SSH1: variants seen among roughly 807,000 people sequenced by gnomAD.
SSH1 encodes protein phosphatase Slingshot homolog 1.
SSH1 carries 43 observed loss-of-function variants against 79.7 expected under a neutral mutation model. The observed-to-expected ratio is 0.54, with a 90% confidence interval of 0.42 to 0.70. The LOEUF is 0.70. Ranked by LOEUF, SSH1 falls within the 30% of genes least tolerant of loss-of-function variation. SSH1 has a pLI of 0.00. For missense variants in SSH1, 1,206 were observed against 1,358.8 expected (o/e 0.89, Z 1.77); for synonymous variants, 599 against 538.3 (o/e 1.11, Z -1.56).
At position 108,817,076 on chromosome 12, in the gene SSH1, C is replaced by G. The variant is rs1167483369; in HGVS notation, c.363G>C (p.Glu121Asp). The G allele has an allele frequency of 6.2e-7, 1 of 1,614,114 alleles. No individual in the cohort carries two copies. Among genetic ancestry groups the G allele is most frequent in the Non-Finnish European group, 8.5e-7 (1 of 1,180,030 alleles). Residue 121 changes from glutamate (E) to aspartate (D), a missense_variant, in exon 5 of 15, where the codon GAG becomes GAC. Around this residue, in one of 5 missense-constraint regions of SSH1, gnomAD observed 115 missense variants for 173.9 expected, o/e 0.66. Coordinates refer to ENST00000326495, the MANE Select transcript of SSH1 (RefSeq NM_018984.4). ...AAAAGTCCACTCCCAGCAAGATATT[C>G]TCCTCGGTGTCCTGGCGCCCGCTGC... is the stretch of plus-strand genomic sequence containing the variant. The part of the protein sequence containing the change: ...VYSSGRQDTE[E>D]NILLGVDFSS...
chr12:108,819,404 G>A (rs1421616680), intron 3 of SSH1, among the ~76,000 whole-genome samples: 2 of 152,212 alleles, frequency 1.3e-5, no homozygotes, highest in Admixed American at 6.5e-5. Context: ...TTTCACGGAG[G>A]GGAAAGTTGT....
At position 108,780,716 on chromosome 12, in the gene SSH1, G is replaced by T. The variant is rs569511907; in HGVS notation, c.*7272C>A. ...TGTTTTTAAAACATTTTACAGAGAG[G>T]GCTGCATTATAGCTTGATAACACTA... On this transcript the variant is annotated 3_prime_UTR_variant, in exon 15 of 15. Transcript: ENST00000326495. 2 of 152,282 alleles carry T rather than the reference G, an allele frequency of 1.3e-5. No homozygotes were observed. The highest frequency in any genetic ancestry group is 1.9e-4 in the East Asian group (1 of 5,178). The allele number at this position is 152,282 out of a possible 1,614,324, so 9.4% of individuals were successfully genotyped here. A position where few individuals can be genotyped will look rare whatever the true frequency, so the allele number is the denominator to read the frequency against.
At chr12:108,820,879 C>T (rs532029885) in intron 3 of SSH1, among the ~76,000 whole-genome samples, 3 of 152,340 alleles carry the variant, frequency 2.0e-5, no homozygotes, top group African/African-American at 4.8e-5. Flanking sequence ...CTCTGCCTTC[C>T]GACCTCATCG....
intron 2 of SSH1, chr12:108,827,416 T>C (rs746768099): frequency 1.6e-5 from 22 of 1,407,262 alleles, no homozygotes; most frequent in Admixed American, 8.3e-5. Flanking sequence ...CTGCTCCCTA[T>C]GGAGATCAGG....
At chr12:108,810,753 G>A (rs995153537) in intron 6 of SSH1, among the ~76,000 whole-genome samples, 1 of 152,204 alleles carries the variant, frequency 6.6e-6, no homozygotes, top group South Asian at 2.1e-4. Context: ...GCGTGCGGAC[G>A]CTAGACGGCC....
At chr12:108,797,803 C>A (rs964366845) in intron 13 of SSH1, among the ~76,000 whole-genome samples, 1 of 152,206 alleles carries the variant, frequency 6.6e-6, no homozygotes, top group Non-Finnish European at 1.5e-5. Flanking sequence ...TTCTTCAATT[C>A]GCCCATGTGA....
chr12:108,853,440 G>T, intron 1 of SSH1: 1 of 751,390 alleles, frequency 1.3e-6, no homozygotes, highest in Non-Finnish European at 1.6e-6. Context: ...TGTTTTTTAT[G>T]TTGCACAGAG....
intron 5 of SSH1, among the ~76,000 whole-genome samples, chr12:108,813,795 T>G (rs1188222108): frequency 0.1 from 7,594 of 75,054 alleles, no homozygotes; most frequent in African/African-American, 0.11. Context: ...GAAGGGAAGG[T>G]GAAAGGGAAG....
At chr12:108,826,383 C>G in intron 2 of SSH1, 1 of 319,386 alleles carries the variant, frequency 3.1e-6, no homozygotes, top group South Asian at 2.5e-5. Flanking sequence ...TCCCCCACGA[C>G]AATCAAGTAA....
chr12:108,852,962 G>A lies in SSH1; in HGVS notation c.70-284C>T, dbSNP rs1370148577. The A allele has an allele frequency of 6.1e-6, 6 of 985,270 alleles. No individual in the cohort carries two copies. The African/African-American group carries it at 1.0e-4, about 17-fold the overall frequency. 61.0% of individuals were successfully genotyped at this position (985,270 alleles called of 1,614,324 possible). ...ATTTCCTATCTGGTGTTGTTACCCA[G>A]CACGGTCTTTTAGCCCTCAGCCCTC... On this transcript the variant is annotated intron_variant, in intron 1 of 14. Coordinates refer to ENST00000326495, the MANE Select transcript of SSH1 (RefSeq NM_018984.4).
chr12:108,800,812 C>A lies in SSH1; in HGVS notation c.1116G>T (p.Trp372Cys). 1 of 1,614,128 alleles carries A rather than the reference C, an allele frequency of 6.2e-7. No homozygotes were observed. The highest frequency in any genetic ancestry group is 8.5e-7 in the Non-Finnish European group (1 of 1,180,018). The change falls in exon 12 of 15, where the codon TGG (tryptophan) becomes TGT (cysteine). Residue 372 changes from tryptophan (W) to cysteine (C), a missense_variant. Around this residue, in one of 5 missense-constraint regions of SSH1, gnomAD observed 166 missense variants for 262.9 expected, o/e 0.63. Coordinates refer to ENST00000326495, the MANE Select transcript of SSH1 (RefSeq NM_018984.4). ...TGTTTATAAAATGATACGCTTCATT[C>A]CAGTGGGCGAGGAGGTCTGTGGTCT... ...DEETTDLLAH[W>C]NEAYHFINKA...
At chr12:108,828,654 A>G (rs928627698) in intron 2 of SSH1, among the ~76,000 whole-genome samples, 1 of 152,182 alleles carries the variant, frequency 6.6e-6, no homozygotes, top group Non-Finnish European at 1.5e-5. Flanking sequence ...CATCTGCCCA[A>G]GTAGAAATCA....
chr12:108,792,859 G>C (rs558083024), intron 13 of SSH1, 30 bp from the exon 14 acceptor site: 2 of 1,612,228 alleles, frequency 1.2e-6, no homozygotes, highest in Non-Finnish European at 8.5e-7. Flanking sequence ...AGGAAGGTGA[G>C]GGGAGGAGGA....
intron 10 of SSH1, 91 bp downstream of exon 10, chr12:108,804,965 C>T: frequency 1.3e-6 from 2 of 1,546,900 alleles, no homozygotes; most frequent in Admixed American, 1.9e-5. Flanking sequence ...TTTTTGCCTG[C>T]TTTTTCTCCC....
At position 108,778,916 on chromosome 12, in the gene SSH1, T is replaced by A. The variant is rs1468448781; in HGVS notation, c.*9072A>T. 1 of 152,208 alleles carries A rather than the reference T, an allele frequency of 6.6e-6. No individual in the cohort carries two copies. The highest frequency in any genetic ancestry group is 1.5e-5 in the Non-Finnish European group (1 of 68,070). 9.4% of individuals were successfully genotyped at this position (152,208 alleles called of 1,614,324 possible). ...CTGCCTCCCAGGCTCAGGAGATCCT[T>A]CACCTCAGCCACTCAAGTAGCTGGG... is the stretch of plus-strand genomic sequence containing the variant. On this transcript the variant is annotated 3_prime_UTR_variant, in exon 15 of 15. Transcript: ENST00000326495.
chr12:108,819,048 C>T (rs1160169071), intron 3 of SSH1, among the ~76,000 whole-genome samples: 1 of 152,188 alleles, frequency 6.6e-6, no homozygotes, highest in Non-Finnish European at 1.5e-5. Context: ...GCTACCCCAC[C>T]CAGGCCCCAC....
chr12:108,835,908 T>C (rs182218102), intron 2 of SSH1, among the ~76,000 whole-genome samples: 1,382 of 66,330 alleles, frequency 0.021, 56 homozygotes, highest in South Asian at 0.035. Context: ...TTAATATAAT[T>C]AATTATAACT....
chr12:108,835,942 T>TA (rs1491137441), intron 2 of SSH1, among the ~76,000 whole-genome samples: 49 of 116,364 alleles, frequency 4.2e-4, no homozygotes, highest in African/African-American at 7.5e-4. Context: ...CAATTATAAC[T>TA]ATATTAATAT....
chr12:108,821,987 C>T (rs1481675264), intron 3 of SSH1, among the ~76,000 whole-genome samples: 1 of 152,238 alleles, frequency 6.6e-6, no homozygotes, highest in African/African-American at 2.4e-5. Context: ...TATGCACTGC[C>T]TCTCCAAGAA....
Sources: allele counts gnomAD v4.1 joint callset (sites outside exome capture counted in the v4.1 genomes callset), GRCh38; gene constraint gnomAD v4.1.1; regional missense constraint gnomAD v4.1.1; transcripts MANE v1.5; gene names NCBI Gene and HGNC (gene_info 2026-07-23, HGNC 2026-07-21).